Variants in POU3F3 observed in about 807,000 individuals in gnomAD.
The protein encoded by POU3F3 is POU domain, class 3, transcription factor 3.
A neutral mutation model predicts 8.6 loss-of-function variants in POU3F3; 1 was observed. That is an observed-to-expected ratio of 0.12 (90% confidence interval 0.04 to 0.55). The LOEUF is 0.55. Ranked by LOEUF, POU3F3 falls within the 20% of genes least tolerant of loss-of-function variation. The probability of loss-of-function intolerance (pLI) is 0.91; values close to 1 mark genes in which losing one functional copy is unlikely to be tolerated. For missense variants in POU3F3, 577 were observed against 690.7 expected, an observed-to-expected ratio of 0.84 and a Z score of 1.84; for synonymous variants, 418 against 327.4, an observed-to-expected ratio of 1.28 and a Z score of -2.99.
chr2:104,880,413 T>G, the POU3F3 span, among the ~76,000 whole-genome samples: 1 of 152,134 alleles, frequency 6.6e-6, no homozygotes, highest in African/African-American at 2.4e-5. Context: ...CCAGCTGGAG[T>G]GGAGACCGTG....
the POU3F3 span, among the ~76,000 whole-genome samples, chr2:104,911,825 G>GGAGAGA: frequency 6.6e-6 from 1 of 150,566 alleles, no homozygotes; most frequent in Non-Finnish European, 1.5e-5. Context: ...AGAGAGAGAG[G>GGAGAGA]GAGAGAGAGA....
chr2:104,879,569 G>C, the POU3F3 span, among the ~76,000 whole-genome samples: 1 of 152,184 alleles, frequency 6.6e-6, no homozygotes, highest in African/African-American at 2.4e-5. Flanking sequence ...GGGCTGGGGT[G>C]TGTAAAGGTG....
the POU3F3 span, chr2:104,866,402 G>C: frequency 1.3e-5 from 2 of 152,030 alleles, no homozygotes; most frequent in Admixed American, 1.3e-4. Context: ...TGAGGGGAGA[G>C]AAAGACCAAA....
At position 104,855,447 on chromosome 2, in the gene POU3F3, CGCGGCTGCTGCTGCGGCGGCGGCGGCG is replaced by C. The variant is rs1293639509; in HGVS notation, c.-62_-36del. On this transcript the variant is annotated 5_prime_UTR_variant, in exon 1 of 1. Coordinates refer to ENST00000361360, the MANE Select transcript of POU3F3 (RefSeq NM_006236.3). Reference sequence around the variant, plus strand: ...CGGCGGCGGCGGCGGCGGCGGCGGCCGCGGCTGCTGCTGCGGCGGCGGCGGCGGTGGTGGCGGCGGTGGGGTGGCGGG... The same window carrying C: ...CGGCGGCGGCGGCGGCGGCGGCGGCCGTGGTGGCGGCGGTGGGGTGGCGGG... 5.2e-6 allele frequency: 4 copies of C among 768,466 alleles called. No individual in the cohort carries two copies. Among genetic ancestry groups the C allele is most frequent in the Admixed American group, 9.1e-5 (1 of 10,980 alleles). 47.6% of individuals were successfully genotyped at this position (768,466 alleles called of 1,614,324 possible).
At chr2:104,898,444 G>A in the POU3F3 span, among the ~76,000 whole-genome samples, 17 of 152,158 alleles carry the variant, frequency 1.1e-4, no homozygotes, top group Non-Finnish European at 2.1e-4. Context: ...CTTCAAACCA[G>A]TGTGATCAAT....
At chr2:104,899,727 G>C in the POU3F3 span, among the ~76,000 whole-genome samples, 1 of 152,208 alleles carries the variant, frequency 6.6e-6, no homozygotes, top group African/African-American at 2.4e-5. Context: ...TTATGTCTGT[G>C]CTTTCTCAAT....
chr2:104,871,627 C>T, the POU3F3 span, among the ~76,000 whole-genome samples: 1 of 152,286 alleles, frequency 6.6e-6, no homozygotes, highest in Non-Finnish European at 1.5e-5. Context: ...AGGGAAAGTA[C>T]TTTTGTTATA....
the POU3F3 span, among the ~76,000 whole-genome samples, chr2:104,893,091 A>T: frequency 6.6e-6 from 1 of 152,236 alleles, no homozygotes; most frequent in Non-Finnish European, 1.5e-5. Context: ...GATTAGCAAC[A>T]TATAGATATA....
chr2:104,907,413 A>G, the POU3F3 span, among the ~76,000 whole-genome samples: 1 of 152,124 alleles, frequency 6.6e-6, no homozygotes, highest in East Asian at 1.9e-4. Context: ...CTACTTGGGT[A>G]TTTGCTTTTT....
chr2:104,918,904 G>A, the POU3F3 span, among the ~76,000 whole-genome samples: 30 of 148,592 alleles, frequency 2.0e-4, no homozygotes, highest in Non-Finnish European at 1.5e-4. Context: ...TTGAGATGGA[G>A]TTTCAAGCCC....
the POU3F3 span, among the ~76,000 whole-genome samples, chr2:104,910,608 G>T: frequency 1.9e-3 from 295 of 152,296 alleles, 2 homozygotes; most frequent in African/African-American, 6.7e-3. Flanking sequence ...TTAGTAGGCT[G>T]CTAAAGATAT....
downstream of POU3F3, among the ~76,000 whole-genome samples, chr2:104,863,093 C>T (rs1676684989): frequency 6.6e-6 from 1 of 151,126 alleles, no homozygotes; most frequent in Non-Finnish European, 1.5e-5. Context: ...TTTTCATAAA[C>T]ATGTCCACTC....
chr2:104,892,434 G>A, the POU3F3 span, among the ~76,000 whole-genome samples: 1 of 152,170 alleles, frequency 6.6e-6, no homozygotes, highest in Non-Finnish European at 1.5e-5. Context: ...GGCCATGTGA[G>A]ATATTCATGC....
chr2:104,904,199 T>C, the POU3F3 span, among the ~76,000 whole-genome samples: 1 of 152,192 alleles, frequency 6.6e-6, no homozygotes, highest in East Asian at 1.9e-4. Flanking sequence ...AAAGTGGCAC[T>C]CTCTACTCTG....
the POU3F3 span, among the ~76,000 whole-genome samples, chr2:104,884,751 A>C: frequency 6.6e-6 from 1 of 152,188 alleles, no homozygotes; most frequent in Non-Finnish European, 1.5e-5. Context: ...CAGAAGCACC[A>C]AGCCCCATTG....
downstream of POU3F3, among the ~76,000 whole-genome samples, chr2:104,862,250 C>T (rs1283971348): frequency 6.6e-6 from 1 of 152,204 alleles, no homozygotes; most frequent in African/African-American, 2.4e-5. Context: ...TCCGGTCTTC[C>T]TCAAGGAAGA....
the POU3F3 span, among the ~76,000 whole-genome samples, chr2:104,878,958 C>T: frequency 6.6e-6 from 1 of 151,826 alleles, no homozygotes; most frequent in Non-Finnish European, 1.5e-5. Context: ...ACAAATACAA[C>T]ACATAGCACA....
the POU3F3 span, among the ~76,000 whole-genome samples, chr2:104,921,633 C>T: frequency 1.3e-5 from 2 of 152,132 alleles, no homozygotes; most frequent in East Asian, 3.9e-4. Context: ...TAGGCCAGTG[C>T]CCTCCTCTCA....
chr2:104,886,098 G>A, the POU3F3 span, among the ~76,000 whole-genome samples: 1 of 152,084 alleles, frequency 6.6e-6, no homozygotes, highest in African/African-American at 2.4e-5. Context: ...TGCCTGGCCT[G>A]TTCCTTTACT....
Sources: allele counts gnomAD v4.1 joint callset (sites outside exome capture counted in the v4.1 genomes callset), GRCh38; gene constraint gnomAD v4.1.1; transcripts MANE v1.5; gene names NCBI Gene and HGNC (gene_info 2026-07-23, HGNC 2026-07-21).